Variants in PLD5 observed in about 807,000 individuals in gnomAD.
PLD5 encodes the protein phospholipase D family member 5.
A neutral mutation model predicts 61.1 loss-of-function variants in PLD5; 36 were observed. The observed-to-expected ratio is 0.59, with a 90% CI of 0.45 to 0.78. The LOEUF (loss-of-function observed/expected upper bound fraction) is 0.78, where lower values mean the gene tolerates loss of function less well. PLD5 is among the 30% of genes least tolerant of loss of function. The pLI is 0.00. For missense variants in PLD5, 515 were observed against 644.4 expected (o/e 0.80, Z 2.17); for synonymous variants, 243 against 242.8 (o/e 1.00, Z -0.01).
chr1:242,484,995 G>T (rs1260263370), intron 1 of PLD5, among the ~76,000 whole-genome samples: 4 of 152,096 alleles, frequency 2.6e-5, no homozygotes, highest in African/African-American at 4.8e-5. Flanking sequence ...AAAGGCCTTT[G>T]ACAAAATTCA....
intron 2 of PLD5, among the ~76,000 whole-genome samples, chr1:242,305,819 C>T (rs1382393852): frequency 2.0e-5 from 3 of 152,168 alleles, no homozygotes; most frequent in African/African-American, 7.2e-5. Flanking sequence ...CTCGGCCTTC[C>T]AAAGTGCACT....
intron 1 of PLD5, among the ~76,000 whole-genome samples, chr1:242,445,620 G>A (rs1265487536): frequency 6.6e-6 from 1 of 152,148 alleles, no homozygotes; most frequent in Non-Finnish European, 1.5e-5. Context: ...GAGATTACAG[G>A]CATGAGCCAC....
At chr1:242,118,846 G>C (rs1662149967) in intron 6 of PLD5, among the ~76,000 whole-genome samples, 1 of 152,146 alleles carries the variant, frequency 6.6e-6, no homozygotes, top group African/African-American at 2.4e-5. Context: ...AATAGTGCCT[G>C]GATAGACTAG....
chr1:242,366,507 C>A (rs536677372), intron 1 of PLD5, among the ~76,000 whole-genome samples: 1 of 152,292 alleles, frequency 6.6e-6, no homozygotes, highest in East Asian at 1.9e-4. Flanking sequence ...CTAGATGATT[C>A]ATTCCTTTTC....
chr1:242,439,124 G>A (rs1332527201), intron 1 of PLD5, among the ~76,000 whole-genome samples: 2 of 152,164 alleles, frequency 1.3e-5, no homozygotes, highest in Non-Finnish European at 2.9e-5. Context: ...CCAGGGACTT[G>A]ACAAAATTAA....
intron 1 of PLD5, among the ~76,000 whole-genome samples, chr1:242,461,624 G>T (rs1667121220): frequency 1.3e-5 from 2 of 152,194 alleles, no homozygotes; most frequent in African/African-American, 4.8e-5. Flanking sequence ...GGATTGCTGG[G>T]TTGAATGGTA....
At position 242,185,056 on chromosome 1, in the gene PLD5, G is replaced by A. The variant is rs118149171; in HGVS notation, c.735+34932C>T. ...GCATCACATTGCATAAAACAATGCC[G>A]GAAGACTTGAGCAATGGTGACTTAC... On this transcript the variant is annotated intron_variant, in intron 5 of 9. Coordinates refer to ENST00000536534, the MANE Select transcript of PLD5 (RefSeq NM_001372062.1). Among the ~76,000 whole-genome samples the A allele has an allele frequency of 2.7e-3, 404 of 152,268 alleles. 3 individuals carry two copies. The East Asian group carries it at 0.042, about 16-fold the overall frequency.
chr1:242,471,479 G>T (rs1203267136), intron 1 of PLD5, among the ~76,000 whole-genome samples: 2 of 152,016 alleles, frequency 1.3e-5, no homozygotes, highest in East Asian at 1.9e-4. Context: ...AGCGAAATGG[G>T]TTTAAAATAT....
intron 1 of PLD5, among the ~76,000 whole-genome samples, chr1:242,418,532 G>A (rs950684488): frequency 1.3e-5 from 2 of 152,108 alleles, no homozygotes; most frequent in Non-Finnish European, 2.9e-5. Context: ...TCAGCACTAC[G>A]AGGTAAAATC....
intron 1 of PLD5, among the ~76,000 whole-genome samples, chr1:242,411,267 G>T (rs2251493): frequency 0.24 from 36,503 of 152,056 alleles, 4,783 homozygotes; most frequent in Admixed American, 0.3. Flanking sequence ...ACAGAGTCTC[G>T]CTCTATCGCC....
At chr1:242,418,345 A>G (rs1260205598) in intron 1 of PLD5, among the ~76,000 whole-genome samples, 3 of 152,168 alleles carry the variant, frequency 2.0e-5, no homozygotes, top group Non-Finnish European at 2.9e-5. Flanking sequence ...TGCCCATTGG[A>G]CATACAAAGT....
intron 5 of PLD5, among the ~76,000 whole-genome samples, chr1:242,194,688 T>C (rs1290935833): frequency 3.4e-5 from 5 of 147,588 alleles, no homozygotes; most frequent in Non-Finnish European, 7.5e-5. Context: ...GATAGAATAC[T>C]ACTCAGCCAT....
intron 1 of PLD5, among the ~76,000 whole-genome samples, chr1:242,475,524 T>C (rs1233056800): frequency 6.6e-6 from 1 of 151,966 alleles, no homozygotes; most frequent in South Asian, 2.1e-4. Flanking sequence ...TGACTGAAAT[T>C]ACCTATCCTT....
intron 4 of PLD5, among the ~76,000 whole-genome samples, chr1:242,263,458 T>G (rs575920861): frequency 3.3e-5 from 5 of 150,996 alleles, no homozygotes; most frequent in Admixed American, 1.3e-4. Context: ...ATTTAATATA[T>G]GTCTACCAAA....
intron 6 of PLD5, among the ~76,000 whole-genome samples, chr1:242,114,656 T>C (rs1174542101): frequency 6.6e-6 from 1 of 152,160 alleles, no homozygotes; most frequent in African/African-American, 2.4e-5. Flanking sequence ...AGTGGGGGCA[T>C]TAGATTCTCA....
chr1:242,286,763 T>C (rs536685110), intron 3 of PLD5, among the ~76,000 whole-genome samples: 10 of 152,340 alleles, frequency 6.6e-5, no homozygotes, highest in African/African-American at 2.4e-4. Context: ...ACTTTTCTCC[T>C]GCTAATCTGC....
At chr1:242,363,388 G>A (rs1229567342) in intron 1 of PLD5, among the ~76,000 whole-genome samples, 1 of 150,732 alleles carries the variant, frequency 6.6e-6, no homozygotes, top group African/African-American at 2.4e-5. Flanking sequence ...CATTAAATTT[G>A]GGCACAGTAG....
intron 7 of PLD5, among the ~76,000 whole-genome samples, chr1:242,110,883 AG>A (rs1409558293): frequency 6.6e-6 from 1 of 152,190 alleles, no homozygotes; most frequent in Non-Finnish European, 1.5e-5. Flanking sequence ...AAGGCTAATC[AG>A]GCTACATTTT....
chr1:242,403,682 G>A (rs1438883475), intron 1 of PLD5, among the ~76,000 whole-genome samples: 1 of 151,900 alleles, frequency 6.6e-6, no homozygotes, highest in Admixed American at 6.6e-5. Flanking sequence ...TGGCCAGGCT[G>A]GTCTCGAACC....
Sources: gnomAD v4.1 joint callset for allele counts (sites outside exome capture counted in the v4.1 genomes callset) on GRCh38, gnomAD v4.1.1 for gene constraint, MANE v1.5 for transcripts, NCBI Gene and HGNC (gene_info 2026-07-23, HGNC 2026-07-21) for gene names.